Variants in MAGI1 observed in about 807,000 individuals in gnomAD.
MAGI1 encodes membrane-associated guanylate kinase, WW and PDZ domain-containing protein 1.
In MAGI1, 58 loss-of-function variants were observed where a neutral mutation model predicts 139.9. The ratio of observed to expected loss-of-function variants is 0.41; its 90% CI spans 0.34 to 0.52. The LOEUF is 0.52. MAGI1 is among the 20% of genes least tolerant of loss of function. The probability of loss-of-function intolerance (pLI) is 0.12; values close to 1 mark genes in which losing one functional copy is unlikely to be tolerated. For missense variants in MAGI1, 1,874 were observed against 1,901.6 expected (o/e 0.99, Z 0.27); for synonymous variants, 812 against 737.9 (o/e 1.10, Z -1.63).
chr3:66,016,150 A>G (rs1188614163), intron 1 of MAGI1, among the ~76,000 whole-genome samples: 10 of 152,190 alleles, frequency 6.6e-5, no homozygotes. Flanking sequence ...GAATCAAGTG[A>G]TCAGATTCAA....
At chr3:65,846,626 T>A (rs1342077177) in intron 1 of MAGI1, among the ~76,000 whole-genome samples, 1 of 152,172 alleles carries the variant, frequency 6.6e-6, no homozygotes, top group African/African-American at 2.4e-5. Context: ...GAGCACACAC[T>A]CTGTAAAAAT....
chr3:65,934,610 A>T lies in MAGI1; in HGVS notation c.313+103386T>A, dbSNP rs565261733. 1.3e-3 allele frequency among the ~76,000 whole-genome samples: 191 copies of T among 152,202 alleles called. 1 individual carries two copies. Among genetic ancestry groups the T allele is most frequent in the African/African-American group, 4.4e-3 (181 of 41,480 alleles). ...TAAGAAAAAGGCTCCCAACCTAATTATAAAACCGAGTCCCTCTTATATTGG... is the reference window on the plus strand; with the variant it reads ...TAAGAAAAAGGCTCCCAACCTAATTTTAAAACCGAGTCCCTCTTATATTGG... On this transcript the variant is annotated intron_variant, in intron 1 of 22. Transcript: ENST00000402939.
chr3:65,699,992 ACAAACCCTC>A (rs1299929673), intron 1 of MAGI1, among the ~76,000 whole-genome samples: 1 of 152,168 alleles, frequency 6.6e-6, no homozygotes, highest in Non-Finnish European at 1.5e-5. Flanking sequence ...CTGTACTTTC[ACAAACCCTC>A]CAAAGCACAC....
At chr3:65,359,122 A>C in intron 22 of MAGI1, 2 of 1,614,122 alleles carry the variant, frequency 1.2e-6, no homozygotes, top group Non-Finnish European at 1.7e-6. Context: ...TTCATTTCTC[A>C]TACATGCAGC....
At chr3:65,804,263 G>T (rs546076148) in intron 1 of MAGI1, among the ~76,000 whole-genome samples, 8 of 143,118 alleles carry the variant, frequency 5.6e-5, no homozygotes, top group Admixed American at 4.9e-4. Context: ...ACATTTCTCA[G>T]ATGGCTTAGT....
intron 1 of MAGI1, among the ~76,000 whole-genome samples, chr3:65,794,136 T>C (rs2036073): frequency 0.26 from 39,696 of 152,020 alleles, 5,945 homozygotes; most frequent in East Asian, 0.42. Context: ...ACGCAAGCCA[T>C]TGCCAGAAGA....
chr3:65,800,334 T>C (rs2040434402), intron 1 of MAGI1, among the ~76,000 whole-genome samples: 1 of 152,242 alleles, frequency 6.6e-6, no homozygotes, highest in Non-Finnish European at 1.5e-5. Context: ...AGGGGTGGCA[T>C]GTTAAATATT....
chr3:65,996,678 A>T (rs1210235803), intron 1 of MAGI1, among the ~76,000 whole-genome samples: 1 of 152,106 alleles, frequency 6.6e-6, no homozygotes, highest in Non-Finnish European at 1.5e-5. Context: ...GAGAACTCCC[A>T]CATTTCCTGT....
intron 1 of MAGI1, among the ~76,000 whole-genome samples, chr3:65,798,550 C>T (rs1252526308): frequency 6.6e-6 from 1 of 152,114 alleles, no homozygotes; most frequent in Non-Finnish European, 1.5e-5. Context: ...TGCCTCTTTA[C>T]CATGGCTTAG....
intron 1 of MAGI1, among the ~76,000 whole-genome samples, chr3:65,870,176 C>A (rs909125234): frequency 1.4e-4 from 21 of 152,032 alleles, no homozygotes; most frequent in Admixed American, 1.3e-3. Flanking sequence ...AGTAAACAAA[C>A]ACAGGAAGGG....
In MAGI1 at chr3:65,390,291, C is replaced by T. The variant is rs567163400; in HGVS notation, c.2416+851G>A. Among the ~76,000 whole-genome samples, 167 of 152,296 alleles carry T rather than the reference C, an allele frequency of 1.1e-3. 1 individual carries two copies. The highest frequency in any genetic ancestry group is 3.4e-3 in the African/African-American group (140 of 41,552). On this transcript the variant is annotated intron_variant, in intron 14 of 22. Coordinates refer to ENST00000402939, the MANE Select transcript of MAGI1 (RefSeq NM_001033057.2). ...CTTCAACAAACCGAATCTCCACCAT[C>T]ACAACACCTCTCTCCTACCCCATAC... is the stretch of plus-strand genomic sequence containing the variant.
At chr3:65,657,811 C>T (rs978892294) in intron 1 of MAGI1, among the ~76,000 whole-genome samples, 3 of 152,162 alleles carry the variant, frequency 2.0e-5, no homozygotes, top group Admixed American at 6.5e-5. Context: ...GAAGTGATAG[C>T]ATGAAAACTT....
chr3:65,490,774 G>A (rs967968943), intron 3 of MAGI1, among the ~76,000 whole-genome samples: 7 of 148,848 alleles, frequency 4.7e-5, no homozygotes, highest in Admixed American at 3.4e-4. Context: ...AACATGGGAG[G>A]GGGAGGGTGC....
intron 3 of MAGI1, among the ~76,000 whole-genome samples, chr3:65,484,419 T>C: frequency 6.6e-6 from 1 of 152,202 alleles, no homozygotes; most frequent in East Asian, 1.9e-4. Flanking sequence ...ATCTACAGCA[T>C]GCATTTTCAA....
chr3:65,497,698 T>C (rs1029429240), intron 2 of MAGI1, among the ~76,000 whole-genome samples: 1 of 152,156 alleles, frequency 6.6e-6, no homozygotes, highest in Non-Finnish European at 1.5e-5. Context: ...TTCAATGATG[T>C]TTTCAGATCC....
intron 1 of MAGI1, among the ~76,000 whole-genome samples, chr3:65,962,845 AAAG>A (rs1302370455): frequency 2.6e-5 from 4 of 151,112 alleles, no homozygotes; most frequent in African/African-American, 9.7e-5. Flanking sequence ...AAAAAAAAAA[AAAG>A]AAGCAGAAGA....
Position 65,357,129 on chromosome 3 carries a change from G to T in MAGI1, c.3638C>A (p.Pro1213His), listed in dbSNP as rs115182995. The change falls in exon 23 of 23, where the codon CCC (proline) becomes CAC (histidine). Residue 1213 changes from proline to histidine, a missense_variant. By Grantham distance (77) the Pro-to-His change is moderately conservative. Coordinates refer to ENST00000402939, the MANE Select transcript of MAGI1 (RefSeq NM_001033057.2). Reference protein sequence around the residue: ...RGDGSVPEYDPSSDRHGPATG... With the variant: ...RGDGSVPEYDHSSDRHGPATG... The stretch of plus-strand genomic sequence containing the variant: ...GGCGGGGCCGTGGCGGTCGCTGCTG[G>T]GGTCTGCCAGGAAAATAAACGAGAG... 2,193 of 1,604,534 alleles carry T rather than the reference G, an allele frequency of 1.4e-3. 32 individuals carry two copies. The African/African-American group carries it at 0.027, about 20-fold the overall frequency.
intron 1 of MAGI1, among the ~76,000 whole-genome samples, chr3:65,870,716 GAAA>G (rs112844485): frequency 3.2e-5 from 4 of 124,984 alleles, no homozygotes; most frequent in Admixed American, 8.2e-5. Flanking sequence ...CCATTTTAGT[GAAA>G]AAAAAAAAAA....
intron 7 of MAGI1, among the ~76,000 whole-genome samples, chr3:65,445,389 G>A (rs1198262305): frequency 6.6e-6 from 1 of 152,166 alleles, no homozygotes; most frequent in Non-Finnish European, 1.5e-5. Context: ...AAAAGGAATA[G>A]GACAGATGTC....
Sources: gnomAD v4.1 joint callset for allele counts (sites outside exome capture counted in the v4.1 genomes callset) on GRCh38, gnomAD v4.1.1 for gene constraint, MANE v1.5 for transcripts, NCBI Gene and HGNC (gene_info 2026-07-23, HGNC 2026-07-21) for gene names.